The following FBXL13 variants were observed in gnomAD, a reference collection of about 807,000 sequenced individuals.
FBXL13 encodes the protein F-box and leucine-rich repeat protein 13.
FBXL13 carries 67 observed loss-of-function variants against 83.6 expected under a neutral mutation model. That is an observed-to-expected ratio of 0.80 (90% CI 0.66 to 0.98). The LOEUF (loss-of-function observed/expected upper bound fraction) is 0.98. Ranked by LOEUF, FBXL13 falls within the 50% of genes least tolerant of loss-of-function variation. The pLI, the probability that FBXL13 is intolerant of heterozygous loss-of-function variation, is 0.00. For synonymous variants in FBXL13, 272 were observed against 299.5 expected, an observed-to-expected ratio of 0.91 and a Z score of 0.95; for missense variants, 822 against 866.5, an observed-to-expected ratio of 0.95 and a Z score of 0.64.
intron 8 of FBXL13, among the ~76,000 whole-genome samples, chr7:102,937,906 G>A (rs987304603): frequency 1.3e-5 from 2 of 152,194 alleles, no homozygotes; most frequent in African/African-American, 4.8e-5. Context: ...TCCCCAACTC[G>A]GAGTTGAGAC....
intron 8 of FBXL13, chr7:102,934,094 CA>C: frequency 6.2e-7 from 1 of 1,614,164 alleles, no homozygotes; most frequent in Non-Finnish European, 8.5e-7. Context: ...CACATATCTC[CA>C]TGAGAAATAC....
intron 8 of FBXL13, among the ~76,000 whole-genome samples, chr7:102,952,755 A>T (rs1823606998): frequency 6.6e-6 from 1 of 152,144 alleles, no homozygotes; most frequent in South Asian, 2.1e-4. Context: ...AGGCTGAGGC[A>T]GGTGGATCAC....
chr7:102,974,588 CCTT>C (rs1585202901), intron 6 of FBXL13, among the ~76,000 whole-genome samples: 1 of 152,098 alleles, frequency 6.6e-6, no homozygotes, highest in East Asian at 1.9e-4. Context: ...GGGAAAAACT[CCTT>C]ATGTCCAGCC....
chr7:103,013,227 C>T (rs1044586567), intron 6 of FBXL13, among the ~76,000 whole-genome samples: 1 of 152,094 alleles, frequency 6.6e-6, no homozygotes, highest in Non-Finnish European at 1.5e-5. Flanking sequence ...AACAGATCAT[C>T]GAGGCAGAAA....
At chr7:103,006,693 C>T (rs1309575758) in intron 6 of FBXL13, among the ~76,000 whole-genome samples, 2 of 152,050 alleles carry the variant, frequency 1.3e-5, no homozygotes, top group South Asian at 4.2e-4. Flanking sequence ...ATAAGATTAT[C>T]CAACATATAA....
intron 17 of FBXL13, among the ~76,000 whole-genome samples, chr7:102,849,347 G>T (rs1055180646): frequency 2.0e-5 from 3 of 152,166 alleles, no homozygotes; most frequent in Non-Finnish European, 4.4e-5. Flanking sequence ...TACATCTGAG[G>T]CTCCAGACAC....
intron 6 of FBXL13, chr7:102,978,691 C>A: frequency 8.6e-6 from 2 of 232,026 alleles, no homozygotes; most frequent in Non-Finnish European, 1.8e-5. Context: ...TGTCTGTTGG[C>A]ACACTCTCGG....
intron 2 of FBXL13, 33 bp downstream of exon 3, chr7:103,055,055 T>A: frequency 1.7e-6 from 2 of 1,157,518 alleles, no homozygotes; most frequent in South Asian, 2.6e-5. Flanking sequence ...GTTTAAAATA[T>A]ATATTTGCGT....
intron 18 of FBXL13, among the ~76,000 whole-genome samples, chr7:102,823,095 T>C (rs1158386645): frequency 1.3e-5 from 2 of 152,014 alleles, no homozygotes; most frequent in Non-Finnish European, 2.9e-5. Context: ...CAAAAAAAGT[T>C]GTGATTTTGC....
At chr7:102,935,793 G>T (rs1232236974) in intron 8 of FBXL13, among the ~76,000 whole-genome samples, 1 of 152,170 alleles carries the variant, frequency 6.6e-6, no homozygotes, top group Non-Finnish European at 1.5e-5. Context: ...ATTAAAGCCA[G>T]ATGTCATTAA....
chr7:102,993,223 G>GGGAAT (rs1290015312), intron 6 of FBXL13, among the ~76,000 whole-genome samples: 1 of 152,200 alleles, frequency 6.6e-6, no homozygotes, highest in East Asian at 1.9e-4. Context: ...AAAAGTCACT[G>GGGAAT]GGAATATTCT....
chr7:102,857,026 A>C (rs1265466858), intron 16 of FBXL13, among the ~76,000 whole-genome samples: 1 of 152,218 alleles, frequency 6.6e-6, no homozygotes, highest in Non-Finnish European at 1.5e-5. Context: ...GGAGAACTTG[A>C]TATCTGTATC....
chr7:102,924,178 C>T (rs1385491401), intron 10 of FBXL13, among the ~76,000 whole-genome samples: 8 of 148,866 alleles, frequency 5.4e-5, no homozygotes, highest in South Asian at 4.2e-4. Context: ...GCGAAGGTTG[C>T]GGTGAGCTGA....
intron 6 of FBXL13, chr7:102,988,926 A>G (rs1051516055): frequency 6.6e-6 from 1 of 152,244 alleles, no homozygotes; most frequent in Non-Finnish European, 1.5e-5. Context: ...GGAGCTCAGT[A>G]TAAGGGTATG....
At chr7:102,836,877 C>T (rs1316110936) in intron 17 of FBXL13, among the ~76,000 whole-genome samples, 4 of 152,346 alleles carry the variant, frequency 2.6e-5, no homozygotes, top group East Asian at 3.9e-4. Context: ...AAGCTCACTT[C>T]GTGTTGCATA....
At chr7:102,925,666 G>A (rs952396902) in intron 10 of FBXL13, among the ~76,000 whole-genome samples, 3 of 152,056 alleles carry the variant, frequency 2.0e-5, no homozygotes, top group African/African-American at 7.2e-5. Context: ...GGTCCGCTGG[G>A]TGTGGTGGCT....
intron 8 of FBXL13, among the ~76,000 whole-genome samples, chr7:102,936,986 C>T (rs6465885): frequency 0.19 from 29,313 of 151,918 alleles, 3,039 homozygotes; most frequent in East Asian, 0.42. Flanking sequence ...ATTTTTATTG[C>T]TTTCTTCAAC....
intron 11 of FBXL13, among the ~76,000 whole-genome samples, chr7:102,885,739 G>T (rs1810708302): frequency 6.6e-6 from 1 of 152,080 alleles, no homozygotes; most frequent in African/African-American, 2.4e-5. Flanking sequence ...CTTCAAAAGG[G>T]TTTATTATTT....
intron 2 of FBXL13, among the ~76,000 whole-genome samples, chr7:103,045,171 G>C (rs1423966443): frequency 6.6e-6 from 1 of 152,224 alleles, no homozygotes; most frequent in African/African-American, 2.4e-5. Flanking sequence ...ACTGGTTACA[G>C]ATTGGTGTTT....
Sources: allele counts gnomAD v4.1 joint callset (sites outside exome capture counted in the v4.1 genomes callset), GRCh38; gene constraint gnomAD v4.1.1; transcripts MANE v1.5; gene names NCBI Gene and HGNC (gene_info 2026-07-23, HGNC 2026-07-21).